The following OBSL1 variants were observed in gnomAD, a reference collection of about 807,000 sequenced individuals.
The protein encoded by OBSL1 is obscurin like cytoskeletal adaptor 1.
In OBSL1, 160 loss-of-function variants were observed where a neutral mutation model predicts 172.0. The ratio of observed to expected loss-of-function variants is 0.93; its 90% CI spans 0.82 to 1.06. The LOEUF (loss-of-function observed/expected upper bound fraction) is 1.06, where lower values mean the gene tolerates loss of function less well. Among genes scored for constraint, OBSL1 ranks in the 50% least tolerant of loss-of-function variants. OBSL1 has a pLI of 0.00. For synonymous variants in OBSL1, 1,200 were observed against 1,196.3 expected (o/e 1.00, Z -0.06); for missense variants, 2,681 against 2,715.4 (o/e 0.99, Z 0.28).
chr2:219,554,720 G>C lies in OBSL1; in HGVS notation c.4630C>G (p.Arg1544Gly). Residue 1544 changes from arginine to glycine, a missense_variant, in exon 15 of 21, where the codon CGG becomes GGG. This residue lies in a region of OBSL1 where 1,765 missense variants were observed against 1,748.3 expected (regional missense o/e 1.01). Transcript: ENST00000404537. ...SVRPRQLRVL[R>G]PLEDVTISEG... Reference sequence around the variant, plus strand: ...CTGATGGTCACGTCCTCCAGAGGCCGCAGCACCCTCAGCTGCCTCGCTGGC... The same window carrying C: ...CTGATGGTCACGTCCTCCAGAGGCCCCAGCACCCTCAGCTGCCTCGCTGGC... 1 of 1,561,874 alleles carries C rather than the reference G, an allele frequency of 6.4e-7. No homozygotes were observed. The highest frequency in any genetic ancestry group is 1.2e-5 in the South Asian group (1 of 85,534).
intron 18 of OBSL1, 86 bp downstream of exon 18, chr2:219,552,450 G>T (rs866241140): frequency 4.3e-6 from 6 of 1,395,284 alleles, no homozygotes; most frequent in Non-Finnish European, 5.8e-6. Context: ...TCGGAGCCAG[G>T]GGCGGGGCTT....
downstream of OBSL1, chr2:219,550,679 G>T: frequency 1.0e-6 from 1 of 998,860 alleles, no homozygotes; most frequent in Non-Finnish European, 1.5e-6. Context: ...ACTGCACAGG[G>T]GCTCCAGGCA....
In OBSL1 at chr2:219,552,986, G is replaced by A; in HGVS notation, c.5028C>T (p.Leu1676=). 1.3e-6 allele frequency: 2 copies of A among 1,528,306 alleles called. No individual in the cohort carries two copies. The highest frequency in any genetic ancestry group is 1.8e-6 in the Non-Finnish European group (2 of 1,142,392). 94.7% of individuals were successfully genotyped at this position (1,528,306 alleles called of 1,614,324 possible). The change falls in exon 17 of 21, where the codon CTC becomes CTT. Residue 1676 remains leucine, a synonymous_variant. Transcript: ENST00000404537. ...NALTPSPRLR[L]QALGTRRLLQ... is the part of the protein sequence containing the mutation. ...GAAGGCGGCGCGTGCCGAGGGCCTG[G>A]AGCCGGAGCCGCGGGCTAGGCGTAA...
At position 219,567,955 on chromosome 2, in the gene OBSL1, G is replaced by C; in HGVS notation, c.1297C>G (p.Arg433Gly). 1 of 1,613,774 alleles carries C rather than the reference G, an allele frequency of 6.2e-7. No individual in the cohort carries two copies. ...NVTVKGPILK[R>G]LPRKLDVLEG... ...AGGACGTCGAGCTTCCGGGGCAGGCGCTTCAGGATGGGCCCTGAGATGCGG... is the reference window on the plus strand; with the variant it reads ...AGGACGTCGAGCTTCCGGGGCAGGCCCTTCAGGATGGGCCCTGAGATGCGG... The change falls in exon 3 of 21, where the codon CGC becomes GGC. Residue 433 changes from arginine to glycine, a missense_variant. Physicochemically the swap from Arg to Gly is moderately radical, Grantham distance 125 (BLOSUM62 -2). Around this residue, in one of 5 missense-constraint regions of OBSL1, gnomAD observed 706 missense variants for 695.8 expected, o/e 1.01. Coordinates refer to ENST00000404537, the MANE Select transcript of OBSL1 (RefSeq NM_015311.3).
intron 19 of OBSL1, 32 bp downstream of exon 19, chr2:219,552,080 C>T (rs1043062307): frequency 3.6e-5 from 55 of 1,544,896 alleles, no homozygotes; most frequent in Non-Finnish European, 4.8e-5. Flanking sequence ...ACAGGATGTA[C>T]ACTCTCTGTC....
rs1185404758 is a variant in OBSL1, at chr2:219,552,666, C to G, written c.5178G>C (p.Arg1726=). The change falls in exon 18 of 21, where the codon CGG becomes CGC. Residue 1726 remains arginine (R), a synonymous_variant. Coordinates refer to ENST00000404537, the MANE Select transcript of OBSL1 (RefSeq NM_015311.3). ...ERTVAVLSEL[R]SVSAREGDGA... is the part of the protein sequence containing the mutation. ...CGTCGCCTTCGCGGGCGCTCACCGA[C>G]CGCAGCTCGGAGAGTACCGCCACAG... The G allele has an allele frequency of 6.5e-7, 1 of 1,539,064 alleles. No homozygotes were observed. The highest frequency in any genetic ancestry group is 2.4e-5 in the East Asian group (1 of 41,208).
In OBSL1 at chr2:219,563,473, C is replaced by G; in HGVS notation, c.2562G>C (p.Val854=). 6.2e-7 allele frequency: 1 copy of G among 1,613,970 alleles called. No individual in the cohort carries two copies. Among genetic ancestry groups the G allele is most frequent in the Non-Finnish European group, 8.5e-7 (1 of 1,179,840 alleles). ...GGCGATGGGGCCCCTCATTCTCCAGCACCACGAAGTCACTCTCCTCCACCT... is the reference window on the plus strand; with the variant it reads ...GGCGATGGGGCCCCTCATTCTCCAGGACCACGAAGTCACTCTCCTCCACCT... The part of the protein sequence containing the change: ...GQEVEESDFV[V]LENEGPHRRL... Residue 854 remains valine (V), a synonymous_variant, in exon 7 of 21, where the codon GTG becomes GTC. Coordinates refer to ENST00000404537, the MANE Select transcript of OBSL1 (RefSeq NM_015311.3).
chr2:219,551,813 CG>C lies in OBSL1; in HGVS notation c.5414-16del. ...GAGAGGCAATGCTGGGGGTAGGGGG[CG>C]GGGGCTTAAGTTAATAGGGACACGC... On this transcript the variant is annotated splice_polypyrimidine_tract_variant and intron_variant, in intron 19 of 20. Coordinates refer to ENST00000404537, the MANE Select transcript of OBSL1 (RefSeq NM_015311.3). The C allele has an allele frequency of 2.7e-6, 4 of 1,505,256 alleles. No homozygotes were observed. Among genetic ancestry groups the C allele is most frequent in the Non-Finnish European group, 9.0e-7 (1 of 1,106,062 alleles). 93.2% of individuals were successfully genotyped at this position (1,505,256 alleles called of 1,614,324 possible).
At position 219,554,603 on chromosome 2, in the gene OBSL1, G is replaced by T; in HGVS notation, c.4747C>A (p.Pro1583Thr). Reference protein sequence around the residue: ...ARGGVQLYPGPKCHIHSDGHR... With the variant: ...ARGGVQLYPGTKCHIHSDGHR... ...CCGTCCGAGTGGATGTGACACTTGG[G>T]TCCTGGATACAGCTGTACTCCACCC... is the stretch of plus-strand genomic sequence containing the variant. Residue 1583 changes from proline (P) to threonine (T), a missense_variant, in exon 15 of 21, where the codon CCC becomes ACC. By Grantham distance (38) the Pro-to-Thr change is conservative. This residue lies in a region of OBSL1 where 1,765 missense variants were observed against 1,748.3 expected (regional missense o/e 1.01). Transcript: ENST00000404537. 1 of 1,613,236 alleles carries T rather than the reference G, an allele frequency of 6.2e-7. No individual in the cohort carries two copies. Among genetic ancestry groups the T allele is most frequent in the Non-Finnish European group, 8.5e-7 (1 of 1,179,770 alleles).
At position 219,552,878 on chromosome 2, in the gene OBSL1, C is replaced by G. The variant is rs1695738640; in HGVS notation, c.5136G>C (p.Leu1712=). The G allele has an allele frequency of 1.9e-6, 3 of 1,542,554 alleles. No homozygotes were observed. The highest frequency in any genetic ancestry group is 1.7e-6 in the Non-Finnish European group (2 of 1,145,374). ...VGTARAGPVR[L]TVRERTVAVL... ...TCACCCCGTACCCACCGCGCACGGT[C>G]AGGCGGACCGGTCCGGCGCGGGCCG... The change falls in exon 17 of 21, where the codon CTG becomes CTC. Residue 1712 remains leucine (L), a synonymous_variant. Transcript: ENST00000404537.
Position 219,570,507 on chromosome 2 carries a change from C to T in OBSL1, c.726G>A (p.Ala242=), listed in dbSNP as rs1211145050. 7 of 1,611,090 alleles carry T rather than the reference C, an allele frequency of 4.3e-6. No individual in the cohort carries two copies. Among genetic ancestry groups the T allele is most frequent in the Non-Finnish European group, 5.9e-6 (7 of 1,179,038 alleles). The part of the protein sequence containing the change: ...SPPADPDEAP[A]PVVEPLKCAP... ...CGCACTTGAGCGGCTCCACCACCGG[C>T]GCGGGGGCCTCGTCGGGGTCCGCGG... is the stretch of plus-strand genomic sequence containing the variant. The change falls in exon 1 of 21, where the codon GCG becomes GCA. Residue 242 remains alanine, a synonymous_variant. Transcript: ENST00000404537.
At chr2:219,560,854 T>A (rs891174891) in intron 8 of OBSL1, among the ~76,000 whole-genome samples, 6 of 151,904 alleles carry the variant, frequency 3.9e-5, no homozygotes, top group Non-Finnish European at 7.4e-5. Flanking sequence ...GGCAGTGGGG[T>A]GAGGACAGGG....
intron 14 of OBSL1, chr2:219,555,782 T>C (rs1166952706): frequency 2.2e-6 from 3 of 1,383,114 alleles, no homozygotes; most frequent in Non-Finnish European, 2.8e-6. Flanking sequence ...TTTGTGTTTA[T>C]AGCAAAGCCG....
At chr2:219,566,754 G>A in intron 5 of OBSL1, 76 bp downstream of exon 5, 3 of 1,431,714 alleles carry the variant, frequency 2.1e-6, no homozygotes, top group Non-Finnish European at 2.8e-6. Flanking sequence ...AATAAAAACA[G>A]CATCTGCCTC....
At position 219,557,631 on chromosome 2, in the gene OBSL1, A is replaced by G; in HGVS notation, c.3791-13T>C. Reference sequence around the variant, plus strand: ...CGCACAGGGGGCTCTGTGGAGTCAGAGCTGGAGGTCACTGGGAGGGAGAGG... The same window carrying G: ...CGCACAGGGGGCTCTGTGGAGTCAGGGCTGGAGGTCACTGGGAGGGAGAGG... On this transcript the variant is annotated splice_polypyrimidine_tract_variant and intron_variant, in intron 11 of 20. Transcript: ENST00000404537. The G allele has an allele frequency of 6.6e-7, 1 of 1,523,672 alleles. No individual in the cohort carries two copies. Among genetic ancestry groups the G allele is most frequent in the Non-Finnish European group, 8.8e-7 (1 of 1,133,204 alleles). The allele number at this position is 1,523,672 out of a possible 1,614,324, so 94.4% of individuals were successfully genotyped here. A position where few individuals can be genotyped will look rare whatever the true frequency, so the allele number is the denominator to read the frequency against.
chr2:219,550,127 A>C (rs13880), downstream of OBSL1: 620 of 407,986 alleles, frequency 1.5e-3, 1 homozygote, highest in Non-Finnish European at 2.3e-3. Flanking sequence ...GTCTGTGTGT[A>C]TGTGTGTGGG....
Position 219,571,282 on chromosome 2 carries a change from G to T in OBSL1, c.-50C>A. On this transcript the variant is annotated 5_prime_UTR_variant, in exon 1 of 21. Coordinates refer to ENST00000404537, the MANE Select transcript of OBSL1 (RefSeq NM_015311.3). ...GCGAACGGTGGGGGGGCAGGGGGGGGTGCGGAGGGCGAGCCGAGGCCCGGG... is the reference window on the plus strand; with the variant it reads ...GCGAACGGTGGGGGGGCAGGGGGGGTTGCGGAGGGCGAGCCGAGGCCCGGG... 2.9e-6 allele frequency: 3 copies of T among 1,028,162 alleles called. No homozygotes were observed. The highest frequency in any genetic ancestry group is 3.3e-5 in the East Asian group (1 of 29,948). 63.7% of individuals were successfully genotyped at this position (1,028,162 alleles called of 1,614,324 possible).
chr2:219,550,909 G>T, intron 20 of OBSL1, 67 bp from the exon 21 acceptor site: 1 of 1,583,040 alleles, frequency 6.3e-7, no homozygotes, highest in African/African-American at 1.3e-5. Context: ...TCCCCTGGCA[G>T]AGCCTGGACA....
Position 219,567,320 on chromosome 2 carries a change from C to T in OBSL1, c.1790G>A (p.Gly597Glu), listed in dbSNP as rs1316127159. The T allele has an allele frequency of 6.2e-7, 1 of 1,607,448 alleles. No individual in the cohort carries two copies. The highest frequency in any genetic ancestry group is 8.5e-7 in the Non-Finnish European group (1 of 1,174,970). The stretch of plus-strand genomic sequence containing the variant: ...CACCACGTGGGGACTACGGCCATGT[C>T]CGCTGACTGTGCAGATGCGGAAGCG... Reference protein sequence around the residue: ...DYRFRICTVSGHGRSPHVVFH... With the variant: ...DYRFRICTVSEHGRSPHVVFH... The change falls in exon 4 of 21, where the codon GGA (glycine) becomes GAA (glutamate). Residue 597 changes from glycine (G) to glutamate (E), a missense_variant. Physicochemically the swap from Gly to Glu is moderately conservative, Grantham distance 98. Coordinates refer to ENST00000404537, the MANE Select transcript of OBSL1 (RefSeq NM_015311.3).
Sources: allele counts gnomAD v4.1 joint callset (sites outside exome capture counted in the v4.1 genomes callset), GRCh38; gene constraint gnomAD v4.1.1; regional missense constraint gnomAD v4.1.1; transcripts MANE v1.5; gene names NCBI Gene and HGNC (gene_info 2026-07-23, HGNC 2026-07-21).